SAFB2: variants seen among roughly 807,000 people sequenced by gnomAD.
The protein encoded by SAFB2 is scaffold attachment factor B2.
Under a neutral mutation model 100.6 loss-of-function variants are expected in SAFB2, and 32 were observed. The ratio of observed to expected loss-of-function variants is 0.32; its 90% CI spans 0.24 to 0.43. The LOEUF (loss-of-function observed/expected upper bound fraction) is 0.43, where lower values mean the gene tolerates loss of function less well. Ranked by LOEUF, SAFB2 falls within the 20% of genes least tolerant of loss-of-function variation. SAFB2 has a pLI of 1.00. For missense variants in SAFB2, 1,185 were observed against 1,163.4 expected, an observed-to-expected ratio of 1.02 and a Z score of -0.27; for synonymous variants, 500 against 439.4, an observed-to-expected ratio of 1.14 and a Z score of -1.72.
rs890455883 is a variant in SAFB2, at chr19:5,587,473, G to A, written c.2706-74C>T. The stretch of plus-strand genomic sequence containing the variant: ...TTCATCGTAACATGGGTTCAGTAAC[G>A]GTCCCGCAGCCTTTAGAGCGCTTGG... On this transcript the variant is annotated intron_variant, in intron 20 of 20. Coordinates refer to ENST00000252542, the MANE Select transcript of SAFB2 (RefSeq NM_014649.3). The surrounding 1 kb of genome is among the most constrained non-coding windows in gnomAD (Gnocchi z 4.9). 6 of 1,528,634 alleles carry A rather than the reference G, an allele frequency of 3.9e-6. No homozygotes were observed. The highest frequency in any genetic ancestry group is 2.7e-5 in the African/African-American group (2 of 72,838). 94.7% of individuals were successfully genotyped at this position (1,528,634 alleles called of 1,614,324 possible).
chr19:5,589,234 A>G (rs954154277), intron 18 of SAFB2, among the ~76,000 whole-genome samples: 2 of 152,234 alleles, frequency 1.3e-5, no homozygotes, highest in Non-Finnish European at 2.9e-5. Context: ...GGTATTTACC[A>G]TAACACCCAG....
At chr19:5,590,162 G>A in intron 18 of SAFB2, 116 bp downstream of exon 18, 1 of 940,488 alleles carries the variant, frequency 1.1e-6, no homozygotes, top group Non-Finnish European at 1.5e-6. Flanking sequence ...ACCCCTGGTA[G>A]CCCATCCTAA....
At chr19:5,608,776 G>A (rs566904004) in intron 9 of SAFB2, among the ~76,000 whole-genome samples, 29 of 152,284 alleles carry the variant, frequency 1.9e-4, no homozygotes, top group Admixed American at 1.6e-3. Flanking sequence ...TTGGCTAGGC[G>A]CGGTGGCTCA....
At position 5,608,563 on chromosome 19, in the gene SAFB2, C is replaced by T. The variant is rs111931878; in HGVS notation, c.1296+1432G>A. On this transcript the variant is annotated intron_variant, in intron 9 of 20. Transcript: ENST00000252542. ...CCTGTCCGCTTCTTAAGCAATGAAACATTAACCAACACCTGATCGGGTGAC... is the reference window on the plus strand; with the variant it reads ...CCTGTCCGCTTCTTAAGCAATGAAATATTAACCAACACCTGATCGGGTGAC... 2.2e-3 allele frequency among the ~76,000 whole-genome samples: 330 copies of T among 152,322 alleles called. 1 individual carries two copies. The highest frequency in any genetic ancestry group is 0.014 in the Middle Eastern group (4 of 294).
rs546501198 is a variant in SAFB2, at chr19:5,593,964, G to A, written c.2134C>T (p.Leu712=). 5.0e-5 allele frequency: 78 copies of A among 1,550,292 alleles called. No individual in the cohort carries two copies. The South Asian group carries it at 8.3e-4, about 16-fold the overall frequency. ...CGCAGCTGCTCCTGCTGGCGCCGCA[G>A]CTCCTCGCGCTCGCGGTGGATGCGC... ...QERIHREREE[L]RRQQEQLRYE... Residue 712 remains leucine (L), a synonymous_variant, in exon 15 of 21, where the codon CTG becomes TTG. Transcript: ENST00000252542.
chr19:5,587,095 A>AG lies in SAFB2; in HGVS notation c.*147_*148insC, dbSNP rs2052266601. On this transcript the variant is annotated 3_prime_UTR_variant, in exon 21 of 21. Transcript: ENST00000252542. This position sits in a 1 kb window ranked among gnomAD's most constrained non-coding sequence, Gnocchi z 4.9. Reference sequence around the variant, plus strand: ...AACAAGAACACATTTATTTAAAAAAAAAAAAAAAGTGAGTTCACATTGTAT... The same window carrying AG: ...AACAAGAACACATTTATTTAAAAAAAGAAAAAAAAGTGAGTTCACATTGTAT... 9.3e-7 allele frequency: 1 copy of AG among 1,078,596 alleles called. No homozygotes were observed. The highest frequency in any genetic ancestry group is 2.0e-5 in the South Asian group (1 of 50,466). The allele number at this position is 1,078,596 out of a possible 1,614,324, so 66.8% of individuals were successfully genotyped here.
intron 9 of SAFB2, among the ~76,000 whole-genome samples, chr19:5,607,275 A>G (rs937722820): frequency 3.9e-5 from 6 of 151,946 alleles, no homozygotes; most frequent in African/African-American, 1.5e-4. Flanking sequence ...ACAAACAAAA[A>G]CAAAAACAAA....
chr19:5,611,362 G>A lies in SAFB2; in HGVS notation c.903C>T (p.Gly301=), dbSNP rs1316347137. ...GCTCACAGTCCGTCCTCTCGCCATC[G>A]CCTGGCTGCTCCGCGGGCTCCCTTT... is the stretch of plus-strand genomic sequence containing the variant. ...VVKREPAEQP[G]DGERTDCEPV... is the part of the protein sequence containing the mutation. The change falls in exon 7 of 21, where the codon GGC becomes GGT. Residue 301 remains glycine, a synonymous_variant. Coordinates refer to ENST00000252542, the MANE Select transcript of SAFB2 (RefSeq NM_014649.3). The A allele has an allele frequency of 4.2e-4, 147 of 352,482 alleles. No homozygotes were observed. Among genetic ancestry groups the A allele is most frequent in the Non-Finnish European group, 6.5e-4 (139 of 212,314 alleles). 21.8% of individuals were successfully genotyped at this position (352,482 alleles called of 1,614,324 possible).
chr19:5,609,502 C>T (rs2052858800), intron 9 of SAFB2, among the ~76,000 whole-genome samples: 1 of 152,088 alleles, frequency 6.6e-6, no homozygotes, highest in Admixed American at 6.6e-5. Flanking sequence ...CAGGGTTTCG[C>T]CATGTTGGCC....
chr19:5,621,511 C>T (rs1019545501), intron 1 of SAFB2, 115 bp from the exon 2 acceptor site: 1 of 754,190 alleles, frequency 1.3e-6, no homozygotes, highest in Non-Finnish European at 2.4e-6. Context: ...CAAAGAGCAA[C>T]TCCGGGTCAG....
rs202155842 is a variant in SAFB2 at position 5,611,479 on chromosome 19, G to A, written c.786C>T (p.Ser262=). ...CTAAATCACCCTCTTCCGGATGGGC[G>A]CTGTCAAATAGGTCCTCTTCCTCCG... ...KLAEEEDLFD[S]AHPEEGDLDL... is the part of the protein sequence containing the mutation. The change falls in exon 7 of 21, where the codon AGC becomes AGT. Residue 262 remains serine, a synonymous_variant. Coordinates refer to ENST00000252542, the MANE Select transcript of SAFB2 (RefSeq NM_014649.3). The A allele has an allele frequency of 2.5e-6, 1 of 407,190 alleles. No homozygotes were observed. The highest frequency in any genetic ancestry group is 2.3e-5 in the South Asian group (1 of 44,042). 25.2% of individuals were successfully genotyped at this position (407,190 alleles called of 1,614,324 possible).
Position 5,597,300 on chromosome 19 carries a change from G to A in SAFB2, c.1782+1493C>T, listed in dbSNP as rs537356201. On this transcript the variant is annotated intron_variant, in intron 13 of 20. Transcript: ENST00000252542. ...GTTAAAAGAGGCTGGGAGTGGTGGCGCACACCTCTAATCCAGCAAGTTTGG... is the reference window on the plus strand; with the variant it reads ...GTTAAAAGAGGCTGGGAGTGGTGGCACACACCTCTAATCCAGCAAGTTTGG... Among the ~76,000 whole-genome samples, 123 of 152,166 alleles carry A rather than the reference G, an allele frequency of 8.1e-4. 1 individual carries two copies. Among genetic ancestry groups the A allele is most frequent in the African/African-American group, 2.8e-3 (117 of 41,490 alleles).
intron 6 of SAFB2, chr19:5,612,085 G>T: frequency 3.1e-6 from 1 of 322,970 alleles, no homozygotes; most frequent in Non-Finnish European, 5.8e-6. Context: ...AGTCCGGAAG[G>T]GGAATAATAT....
intron 18 of SAFB2, among the ~76,000 whole-genome samples, chr19:5,590,034 G>C (rs920614424): frequency 6.6e-6 from 1 of 152,198 alleles, no homozygotes; most frequent in Non-Finnish European, 1.5e-5. Flanking sequence ...GCGACCCCCA[G>C]CTCAAGAATG....
chr19:5,616,982 G>A (rs1599279975), intron 2 of SAFB2, among the ~76,000 whole-genome samples: 1 of 151,944 alleles, frequency 6.6e-6, no homozygotes, highest in Non-Finnish European at 1.5e-5. Flanking sequence ...CATCAACAGG[G>A]AGATGAAAAT....
At chr19:5,620,255 TAAG>T (rs1488179577) in intron 2 of SAFB2, among the ~76,000 whole-genome samples, 1 of 152,198 alleles carries the variant, frequency 6.6e-6, no homozygotes, top group African/African-American at 2.4e-5. Context: ...TGAAACACAT[TAAG>T]AAGAAAAAGC....
intron 13 of SAFB2, chr19:5,598,539 G>A: frequency 1.9e-6 from 1 of 514,960 alleles, no homozygotes; most frequent in Non-Finnish European, 3.5e-6. Context: ...GCTGCCGTGT[G>A]AACCAATGCT....
rs1344691527 is a variant in SAFB2, at chr19:5,610,650, T to C, written c.1184A>G (p.Lys395Arg). The change falls in exon 8 of 21, where the codon AAA becomes AGA. Residue 395 changes from lysine (K) to arginine (R), a missense_variant. Lys to Arg is a conservative substitution (Grantham distance 26). Around this residue, in one of 3 missense-constraint regions of SAFB2, gnomAD observed 351 missense variants for 341.2 expected, o/e 1.03. Transcript: ENST00000252542. The part of the protein sequence containing the change: ...KEEKDIKPII[K>R]DEKGRVGSGS... ...AAATTAAATCATACCTTTTTCATCT[T>C]TAATGATTGGCTTTATATCTTTTTC... The C allele has an allele frequency of 6.4e-7, 1 of 1,571,468 alleles. No individual in the cohort carries two copies.
At chr19:5,613,673 A>C (rs950078851) in intron 4 of SAFB2, 146 bp from the exon 5 acceptor site, 101 of 1,457,186 alleles carry the variant, frequency 6.9e-5, no homozygotes, top group South Asian at 4.3e-5. Flanking sequence ...TCAGTTCAGC[A>C]CCTGCCTCTC....
Sources: allele counts gnomAD v4.1 joint callset (sites outside exome capture counted in the v4.1 genomes callset), GRCh38; gene constraint gnomAD v4.1.1; regional missense constraint gnomAD v4.1.1; non-coding constraint Gnocchi (gnomAD v3.1); transcripts MANE v1.5; gene names NCBI Gene and HGNC (gene_info 2026-07-23, HGNC 2026-07-21).